The following RAB44 variants were observed in gnomAD, a reference collection of about 807,000 sequenced individuals.
RAB44 encodes the protein ras-related protein Rab-44.
Under a neutral mutation model 93.3 loss-of-function variants are expected in RAB44, and 67 were observed. That is an observed-to-expected ratio of 0.72 (90% confidence interval 0.59 to 0.88). The LOEUF (loss-of-function observed/expected upper bound fraction) is 0.88, where lower values mean the gene tolerates loss of function less well. RAB44 is among the 40% of genes least tolerant of loss of function. The probability of loss-of-function intolerance (pLI) is 0.00; values close to 1 mark genes in which losing one functional copy is unlikely to be tolerated. For synonymous variants in RAB44, 427 were observed against 520.3 expected (o/e 0.82, Z 2.44); for missense variants, 1,064 against 1,261.7 (o/e 0.84, Z 2.37).
chr6:36,704,446 A>C lies in RAB44; in HGVS notation c.207+4A>C. On this transcript the variant is annotated splice_donor_region_variant and intron_variant, in intron 2 of 13. Transcript: ENST00000612677. Reference sequence around the variant, plus strand: ...TGTCACCCGCGAGGACCTGGCGGTGAGCCCAAGACCCCCATTTGAATGCTG... The same window carrying C: ...TGTCACCCGCGAGGACCTGGCGGTGCGCCCAAGACCCCCATTTGAATGCTG... 1 of 1,533,414 alleles carries C rather than the reference A, an allele frequency of 6.5e-7. No individual in the cohort carries two copies. The highest frequency in any genetic ancestry group is 1.2e-5 in the South Asian group (1 of 83,990). The allele number at this position is 1,533,414 out of a possible 1,614,324, so 95.0% of individuals were successfully genotyped here.
chr6:36,720,280 C>A, intron 7 of RAB44, 83 bp from the exon 8 acceptor site: 1 of 1,137,854 alleles, frequency 8.8e-7, no homozygotes, highest in Non-Finnish European at 1.1e-6. Flanking sequence ...GGGTGGGGGT[C>A]TGTGTCCCAC....
chr6:36,706,755 C>G (rs1363244046), intron 2 of RAB44, among the ~76,000 whole-genome samples: 1 of 149,670 alleles, frequency 6.7e-6, no homozygotes, highest in Non-Finnish European at 1.5e-5. Context: ...GAGACAGGGT[C>G]TTGCTCTTTC....
In RAB44 at chr6:36,728,684, C is replaced by T. The variant is rs777528210; in HGVS notation, c.2797-16C>T. On this transcript the variant is annotated splice_polypyrimidine_tract_variant and intron_variant, in intron 11 of 13. Transcript: ENST00000612677. Reference sequence around the variant, plus strand: ...CACACAGTGGGTGTGGCTGACAGAACATGTTCTGTGTGCAGGATGCAGGGT... The same window carrying T: ...CACACAGTGGGTGTGGCTGACAGAATATGTTCTGTGTGCAGGATGCAGGGT... 3.2e-6 allele frequency: 5 copies of T among 1,548,170 alleles called. No homozygotes were observed. Among genetic ancestry groups the T allele is most frequent in the South Asian group, 1.2e-5 (1 of 84,022 alleles).
intron 9 of RAB44, among the ~76,000 whole-genome samples, chr6:36,724,014 T>A (rs753324532): frequency 6.6e-6 from 1 of 151,824 alleles, no homozygotes; most frequent in Non-Finnish European, 1.5e-5. Flanking sequence ...CTCAAACTTT[T>A]CTTGCCCAAG....
chr6:36,724,137 T>C (rs574400063), intron 9 of RAB44, among the ~76,000 whole-genome samples: 223 of 145,380 alleles, frequency 1.5e-3, no homozygotes, highest in Non-Finnish European at 2.6e-3. Flanking sequence ...ACCATTATTT[T>C]ATTTTATTTA....
chr6:36,702,008 G>A (rs1198811189), intron 1 of RAB44, among the ~76,000 whole-genome samples: 2 of 152,080 alleles, frequency 1.3e-5, no homozygotes, highest in Non-Finnish European at 2.9e-5. Context: ...TCGGTAAATG[G>A]TTGTTGCTTA....
chr6:36,718,621 C>A (rs1298778263), intron 7 of RAB44, 33 bp downstream of exon 7: 5 of 1,123,720 alleles, frequency 4.4e-6, no homozygotes, highest in Non-Finnish European at 5.6e-6. Context: ...AACCTACTTC[C>A]GAACAGGTCT....
intron 1 of RAB44, among the ~76,000 whole-genome samples, chr6:36,703,263 A>C (rs1366271968): frequency 6.6e-6 from 1 of 152,170 alleles, no homozygotes; most frequent in African/African-American, 2.4e-5. Flanking sequence ...CCCATGACCC[A>C]AACAATTCCC....
chr6:36,720,269 G>C (rs1016830188), intron 7 of RAB44, 94 bp from the exon 8 acceptor site: 4 of 1,067,180 alleles, frequency 3.7e-6, no homozygotes, highest in Non-Finnish European at 4.8e-6. Context: ...GCCTGGACAG[G>C]GGGTGGGGGT....
rs1030040662 is a variant in RAB44 at position 36,713,816 on chromosome 6, C to T, written c.208-12C>T. The T allele has an allele frequency of 6.6e-6, 10 of 1,520,650 alleles. No homozygotes were observed. The highest frequency in any genetic ancestry group is 8.8e-6 in the Non-Finnish European group (10 of 1,132,928). 94.2% of individuals were successfully genotyped at this position (1,520,650 alleles called of 1,614,324 possible). ...GGTGGGAACACCTGCCCAACTTGCC[C>T]ATTCCTTCCAGGTGGCCAAGTTCAG... On this transcript the variant is annotated splice_polypyrimidine_tract_variant and intron_variant, in intron 2 of 13. Transcript: ENST00000612677.
chr6:36,716,723 C>T (rs1762931239), intron 4 of RAB44, among the ~76,000 whole-genome samples: 3 of 150,624 alleles, frequency 2.0e-5, no homozygotes, highest in African/African-American at 7.3e-5. Flanking sequence ...GGGTGGGGAG[C>T]TTTGTATTCA....
chr6:36,703,616 G>A (rs76574474), intron 1 of RAB44, among the ~76,000 whole-genome samples: 11,264 of 152,104 alleles, frequency 0.074, 896 homozygotes, highest in African/African-American at 0.2. Flanking sequence ...GCCATGTCAC[G>A]TGGGGCCCTA....
chr6:36,703,292 A>G (rs191423066), intron 1 of RAB44, among the ~76,000 whole-genome samples: 1 of 152,328 alleles, frequency 6.6e-6, no homozygotes, highest in African/African-American at 2.4e-5. Flanking sequence ...CCATCGCCCA[A>G]CACTGCTTCA....
intron 9 of RAB44, among the ~76,000 whole-genome samples, chr6:36,723,630 T>C (rs568955872): frequency 1.5e-4 from 23 of 151,506 alleles, no homozygotes; most frequent in African/African-American, 5.3e-4. Flanking sequence ...GGTCAGGAGA[T>C]CGAGACCATC....
rs1204828641 is a variant in RAB44, at chr6:36,731,597, C to G, written c.2976-406C>G. On this transcript the variant is annotated intron_variant, in intron 13 of 13. Coordinates refer to ENST00000612677, the MANE Select transcript of RAB44 (RefSeq NM_001257357.2). The surrounding 1 kb of genome is among the most constrained non-coding windows in gnomAD (Gnocchi z 4.0). ...CCCTCTGCTTGGGATGCACCTCCCC[C>G]ACCCTTTCTGCTGGCATACCTTGTC... Among the ~76,000 whole-genome samples the G allele has an allele frequency of 6.6e-6, 1 of 152,208 alleles. No individual in the cohort carries two copies. The highest frequency in any genetic ancestry group is 1.5e-5 in the Non-Finnish European group (1 of 68,038).
chr6:36,715,997 A>T (rs236491), intron 4 of RAB44, among the ~76,000 whole-genome samples: 50,221 of 152,126 alleles, frequency 0.33, 10,842 homozygotes, highest in African/African-American at 0.62. Flanking sequence ...CCCAAGGCAC[A>T]TGAATTCTTA....
At position 36,717,724 on chromosome 6, in the gene RAB44, G is replaced by A. The variant is rs1762958736; in HGVS notation, c.642-304G>A. ...TGGAGTTGGGTTATAAGGGCAGGAG[G>A]ACGGTGAAAGAGGGAGTGGGGACTG... On this transcript the variant is annotated intron_variant, in intron 5 of 13. Transcript: ENST00000612677. The surrounding 1 kb of genome is among the most constrained non-coding windows in gnomAD (Gnocchi z 4.1). Among the ~76,000 whole-genome samples the A allele has an allele frequency of 1.4e-5, 1 of 72,258 alleles. No individual in the cohort carries two copies. Among genetic ancestry groups the A allele is most frequent in the South Asian group, 4.4e-4 (1 of 2,298 alleles). The allele number at this position is 72,258 out of a possible 152,430, so 47.4% of individuals were successfully genotyped here.
In RAB44 at chr6:36,710,547, CTT is replaced by C. The variant is rs113911213; in HGVS notation, c.208-3268_208-3267del. ...GTCTTTGCCGCTTTCTTTTGTACAA[CTT>C]TTTTTTTTTTTTAATTGAGATGGAG... On this transcript the variant is annotated intron_variant, in intron 2 of 13. Transcript: ENST00000612677. 1.8e-3 allele frequency among the ~76,000 whole-genome samples: 265 copies of C among 144,116 alleles called. 1 individual carries two copies. Among genetic ancestry groups the C allele is most frequent in the African/African-American group, 6.1e-3 (241 of 39,272 alleles). 94.5% of individuals were successfully genotyped at this position (144,116 alleles called of 152,430 possible).
In RAB44 at chr6:36,717,158, A is replaced by G. The variant is rs1762941820; in HGVS notation, c.495-115A>G. Reference sequence around the variant, plus strand: ...TGTAGGGTGTCAATAGATTTGGCCCAGGTGCCAAAGTCTCTTGGAGCGCTG... The same window carrying G: ...TGTAGGGTGTCAATAGATTTGGCCCGGGTGCCAAAGTCTCTTGGAGCGCTG... On this transcript the variant is annotated intron_variant, in intron 4 of 13. Transcript: ENST00000612677. The surrounding 1 kb of genome is among the most constrained non-coding windows in gnomAD (Gnocchi z 4.1). 2 of 1,016,676 alleles carry G rather than the reference A, an allele frequency of 2.0e-6. No individual in the cohort carries two copies. Among genetic ancestry groups the G allele is most frequent in the Admixed American group, 4.3e-5 (1 of 23,416 alleles). The allele number at this position is 1,016,676 out of a possible 1,614,324, so 63.0% of individuals were successfully genotyped here. A position where few individuals can be genotyped will look rare whatever the true frequency, so the allele number is the denominator to read the frequency against.
Sources: allele counts gnomAD v4.1 joint callset (sites outside exome capture counted in the v4.1 genomes callset), GRCh38; gene constraint gnomAD v4.1.1; non-coding constraint Gnocchi (gnomAD v3.1); transcripts MANE v1.5; gene names NCBI Gene and HGNC (gene_info 2026-07-23, HGNC 2026-07-21).